Variants in GNG7 observed in about 807,000 individuals in gnomAD.
GNG7 encodes guanine nucleotide-binding protein G(I)/G(S)/G(O) subunit gamma-7.
GNG7 carries 1 observed loss-of-function variant against 4.0 expected under a neutral mutation model. The observed-to-expected ratio is 0.25, with a 90% CI of 0.09 to 1.18. The LOEUF (loss-of-function observed/expected upper bound fraction) is 1.18. GNG7 is among the 50% of genes most tolerant of loss of function. The probability of loss-of-function intolerance (pLI) is 0.50; values close to 1 mark genes in which losing one functional copy is unlikely to be tolerated. For missense variants in GNG7, 86 were observed against 91.9 expected (o/e 0.94, Z 0.26); for synonymous variants, 34 against 36.9 (o/e 0.92, Z 0.29).
At chr19:2,657,759 C>T (rs1983034420) in intron 1 of GNG7, among the ~76,000 whole-genome samples, 2 of 152,128 alleles carry the variant, frequency 1.3e-5, no homozygotes, top group Admixed American at 1.3e-4. Context: ...CCAACGTTCC[C>T]TATGGGCAGC....
intron 1 of GNG7, among the ~76,000 whole-genome samples, chr19:2,650,255 G>C (rs561163149): frequency 4.1e-5 from 6 of 145,276 alleles, no homozygotes; most frequent in Admixed American, 1.4e-4. Flanking sequence ...GCACGATCTC[G>C]GCTCACGGCA....
intron 3 of GNG7, among the ~76,000 whole-genome samples, chr19:2,536,954 T>A (rs867464468): frequency 2.2e-5 from 3 of 135,090 alleles, no homozygotes; most frequent in Middle Eastern, 7.1e-3. Context: ...TTATTTTTAT[T>A]TTTTTTTTTT....
intron 2 of GNG7, among the ~76,000 whole-genome samples, chr19:2,615,515 T>C (rs1487423366): frequency 7.3e-6 from 1 of 136,716 alleles, no homozygotes; most frequent in African/African-American, 2.7e-5. Flanking sequence ...CAGGCTGGAG[T>C]GCAGTGGTGC....
At position 2,589,371 on chromosome 19, in the gene GNG7, C is replaced by CTTTTTTTTTTTT. The variant is rs33940288; in HGVS notation, c.-77-34195_-77-34184dup. Among the ~76,000 whole-genome samples, 144 of 100,566 alleles carry CTTTTTTTTTTTT rather than the reference C, an allele frequency of 1.4e-3. 5 individuals are homozygous for CTTTTTTTTTTTT. The highest frequency in any genetic ancestry group is 2.5e-3 in the East Asian group (7 of 2,812). The allele number at this position is 100,566 out of a possible 152,430, so 66.0% of individuals were successfully genotyped here. ...CCAGGTAGCTGGGACTACAGGTGCACTTTTTTTTTTTTTTTTTTTTTTTTA... is the reference window on the plus strand; with the variant it reads ...CCAGGTAGCTGGGACTACAGGTGCACTTTTTTTTTTTTTTTTTTTTTTTTTTTTTTTTTTTTA... On this transcript the variant is annotated intron_variant, in intron 2 of 4. Transcript: ENST00000382159.
chr19:2,612,916 T>C (rs1981615093), intron 2 of GNG7, among the ~76,000 whole-genome samples: 1 of 152,058 alleles, frequency 6.6e-6, no homozygotes, highest in Non-Finnish European at 1.5e-5. Flanking sequence ...GGTCTCGAAC[T>C]CCTGACCTCA....
At chr19:2,658,641 G>T (rs141974597) in intron 1 of GNG7, among the ~76,000 whole-genome samples, 27 of 152,290 alleles carry the variant, frequency 1.8e-4, no homozygotes, top group African/African-American at 6.3e-4. Context: ...AGGGCATCAC[G>T]CCCAGTGAAA....
At chr19:2,675,766 C>T (rs1275363888) in intron 1 of GNG7, among the ~76,000 whole-genome samples, 2 of 152,092 alleles carry the variant, frequency 1.3e-5, no homozygotes, top group South Asian at 2.1e-4. Context: ...TGGGTGGAGG[C>T]CAGGGACACT....
chr19:2,651,286 ATCCCTCCCTCCCTACCTTCCCTCCATCCC>A (rs1982812359), intron 1 of GNG7, among the ~76,000 whole-genome samples: 1 of 18,482 alleles, frequency 5.4e-5, no homozygotes, highest in Non-Finnish European at 1.3e-4. Context: ...CCCTCCCTCC[ATCCCTCCCTCCCTACCTTCCCTCCATCCC>A]TCCCTCCCTC....
chr19:2,659,613 A>AGG (rs1983093983), intron 1 of GNG7, among the ~76,000 whole-genome samples: 2 of 128,988 alleles, frequency 1.6e-5, no homozygotes, highest in African/African-American at 2.9e-5. Flanking sequence ...AAAAAAAAAG[A>AGG]GAGGAGGGGA....
chr19:2,616,487 C>G (rs770875723), intron 2 of GNG7, among the ~76,000 whole-genome samples: 3 of 151,856 alleles, frequency 2.0e-5, no homozygotes, highest in Non-Finnish European at 4.4e-5. Flanking sequence ...AAAAAACAAA[C>G]AAAGAAAGGC....
chr19:2,696,608 G>T (rs1306334129), intron 1 of GNG7, among the ~76,000 whole-genome samples: 1 of 152,210 alleles, frequency 6.6e-6, no homozygotes, highest in African/African-American at 2.4e-5. Context: ...GCCTGTCCAC[G>T]CACCGGAACA....
At chr19:2,543,524 C>G (rs1268189982) in intron 3 of GNG7, among the ~76,000 whole-genome samples, 2 of 152,208 alleles carry the variant, frequency 1.3e-5, no homozygotes, top group Non-Finnish European at 2.9e-5. Context: ...CGCTCCCGGC[C>G]TGCAATTTTT....
chr19:2,673,935 A>G (rs1983530567), intron 1 of GNG7, among the ~76,000 whole-genome samples: 1 of 152,186 alleles, frequency 6.6e-6, no homozygotes, highest in African/African-American at 2.4e-5. Flanking sequence ...TTAGCTAACT[A>G]ATATAGGCTG....
chr19:2,598,410 C>T (rs924856386), intron 2 of GNG7, among the ~76,000 whole-genome samples: 23 of 151,912 alleles, frequency 1.5e-4, no homozygotes, highest in African/African-American at 5.5e-4. Flanking sequence ...GTACTCCCAG[C>T]ACTTTGGGAG....
At chr19:2,587,571 C>CT (rs1980712488) in intron 2 of GNG7, among the ~76,000 whole-genome samples, 1 of 152,118 alleles carries the variant, frequency 6.6e-6, no homozygotes, top group Non-Finnish European at 1.5e-5. Flanking sequence ...AGGCGGCCAC[C>CT]TTGTAACGGC....
chr19:2,648,118 G>T (rs1220784510), intron 1 of GNG7, among the ~76,000 whole-genome samples: 2 of 151,452 alleles, frequency 1.3e-5, no homozygotes, highest in African/African-American at 4.9e-5. Flanking sequence ...CCGTGAAACT[G>T]GGATAAAGAG....
intron 1 of GNG7, among the ~76,000 whole-genome samples, chr19:2,654,283 G>C (rs1300826617): frequency 6.6e-6 from 1 of 152,098 alleles, no homozygotes; most frequent in Non-Finnish European, 1.5e-5. Flanking sequence ...CCTTCCCCGG[G>C]TTCCCAGAGC....
intron 3 of GNG7, chr19:2,538,760 A>ATT (rs113521303): frequency 2.2e-4 from 91 of 416,986 alleles, no homozygotes; most frequent in African/African-American, 1.8e-3. Flanking sequence ...CTAGATATAT[A>ATT]TATTTTTCTT....
chr19:2,658,915 A>G (rs1331852669), intron 1 of GNG7, among the ~76,000 whole-genome samples: 1 of 152,032 alleles, frequency 6.6e-6, no homozygotes, highest in Non-Finnish European at 1.5e-5. Context: ...ATAGTCTATT[A>G]AAAGGGGGAC....
Sources: gnomAD v4.1 joint callset for allele counts (sites outside exome capture counted in the v4.1 genomes callset) on GRCh38, gnomAD v4.1.1 for gene constraint, MANE v1.5 for transcripts, NCBI Gene and HGNC (gene_info 2026-07-23, HGNC 2026-07-21) for gene names.